SIPA1L1: variants seen among roughly 807,000 people sequenced by gnomAD.
The protein encoded by SIPA1L1 is signal-induced proliferation-associated 1-like protein 1.
In SIPA1L1, 26 loss-of-function variants were observed where a neutral mutation model predicts 162.7. That is an observed-to-expected ratio of 0.16 (90% CI 0.12 to 0.22). The LOEUF (loss-of-function observed/expected upper bound fraction) is 0.22. SIPA1L1 is among the 10% of genes least tolerant of loss of function. The probability of loss-of-function intolerance (pLI) is 1.00; values close to 1 mark genes in which losing one functional copy is unlikely to be tolerated. For synonymous variants in SIPA1L1, 829 were observed against 837.4 expected, an observed-to-expected ratio of 0.99 and a Z score of 0.17; for missense variants, 1,874 against 2,241.0, an observed-to-expected ratio of 0.84 and a Z score of 3.31.
intron 2 of SIPA1L1, among the ~76,000 whole-genome samples, chr14:71,404,155 A>T (rs1595265203): frequency 6.6e-6 from 1 of 152,158 alleles, no homozygotes; most frequent in African/African-American, 2.4e-5. Context: ...GTAAATTTGC[A>T]TTGGATTGGC....
chr14:71,456,418 A>G (rs1567047030), intron 2 of SIPA1L1, among the ~76,000 whole-genome samples: 1 of 152,260 alleles, frequency 6.6e-6, no homozygotes, highest in Non-Finnish European at 1.5e-5. Flanking sequence ...GTACTAAAAT[A>G]TTACAGTGGA....
intron 6 of SIPA1L1, 143 bp downstream of exon 6, chr14:71,619,030 TG>T (rs763749008): frequency 1.2e-6 from 1 of 834,260 alleles, no homozygotes; most frequent in Non-Finnish European, 1.8e-6. Flanking sequence ...TTTATTCTGG[TG>T]GAGATCGAGG....
At chr14:71,428,079 AC>A (rs1194936769) in intron 2 of SIPA1L1, among the ~76,000 whole-genome samples, 3 of 151,206 alleles carry the variant, frequency 2.0e-5, no homozygotes, top group Non-Finnish European at 4.4e-5. Context: ...TGCAGCCTCC[AC>A]CTCCCAGATT....
intron 3 of SIPA1L1, among the ~76,000 whole-genome samples, chr14:71,528,362 T>C (rs1433794444): frequency 6.6e-6 from 1 of 152,148 alleles, no homozygotes; most frequent in East Asian, 1.9e-4. Context: ...TGTTTAATAA[T>C]TCTATTTTTC....
chr14:71,409,280 G>A (rs917478736), intron 2 of SIPA1L1, among the ~76,000 whole-genome samples: 2 of 152,180 alleles, frequency 1.3e-5, no homozygotes, highest in African/African-American at 2.4e-5. Context: ...TGGGATGTGG[G>A]TGTGGGGTTG....
intron 22 of SIPA1L1, among the ~76,000 whole-genome samples, chr14:71,736,883 C>T (rs957598475): frequency 2.0e-5 from 3 of 152,332 alleles, no homozygotes; most frequent in South Asian, 4.1e-4. Flanking sequence ...TGCTCCTGAG[C>T]GTTGCTGCAG....
chr14:71,518,183 C>T (rs1024339749), intron 3 of SIPA1L1, among the ~76,000 whole-genome samples: 3 of 151,652 alleles, frequency 2.0e-5, no homozygotes, highest in Admixed American at 2.0e-4. Flanking sequence ...ACTTGGGAGG[C>T]TGAGGTGGGA....
chr14:71,714,265 A>G (rs904194754), intron 17 of SIPA1L1, among the ~76,000 whole-genome samples: 3 of 152,244 alleles, frequency 2.0e-5, no homozygotes, highest in Admixed American at 1.3e-4. Flanking sequence ...ACTGAAAAAT[A>G]GAACCACTGA....
chr14:71,643,280 A>T (rs1373628738), intron 7 of SIPA1L1, among the ~76,000 whole-genome samples: 1 of 152,240 alleles, frequency 6.6e-6, no homozygotes, highest in Non-Finnish European at 1.5e-5. Context: ...ATCAAAATAA[A>T]CAATGAACAT....
intron 4 of SIPA1L1, among the ~76,000 whole-genome samples, chr14:71,555,526 T>G (rs1296658063): frequency 6.6e-6 from 1 of 152,258 alleles, no homozygotes; most frequent in Non-Finnish European, 1.5e-5. Flanking sequence ...AAGGCTGTTT[T>G]GCTTTCTTAT....
intron 13 of SIPA1L1, among the ~76,000 whole-genome samples, chr14:71,692,214 A>G (rs984375162): frequency 6.6e-6 from 1 of 152,254 alleles, no homozygotes; most frequent in Non-Finnish European, 1.5e-5. Flanking sequence ...ATGATAGGTA[A>G]AGGCAAAGCA....
At chr14:71,550,106 C>T (rs1451857984) in intron 4 of SIPA1L1, among the ~76,000 whole-genome samples, 1 of 152,044 alleles carries the variant, frequency 6.6e-6, no homozygotes, top group Non-Finnish European at 1.5e-5. Flanking sequence ...AAAAAATTAG[C>T]CAGGTGTGTT....
chr14:71,348,609 C>T (rs983512702), intron 2 of SIPA1L1, among the ~76,000 whole-genome samples: 4 of 152,172 alleles, frequency 2.6e-5, no homozygotes, highest in Admixed American at 2.6e-4. Context: ...TAAGAGTGGA[C>T]TTGCTGTGTC....
At chr14:71,446,648 G>A (rs1313395309) in intron 2 of SIPA1L1, among the ~76,000 whole-genome samples, 5 of 152,092 alleles carry the variant, frequency 3.3e-5, no homozygotes, top group Admixed American at 6.6e-5. Context: ...TCAGTCTTCA[G>A]TGTTTTTTTG....
intron 3 of SIPA1L1, among the ~76,000 whole-genome samples, chr14:71,528,527 C>T (rs1057124653): frequency 6.6e-6 from 1 of 151,860 alleles, no homozygotes; most frequent in Non-Finnish European, 1.5e-5. Context: ...TGATGGTGCG[C>T]GCCTCTAGTT....
At chr14:71,322,572 T>A (rs555631212) in intron 2 of SIPA1L1, among the ~76,000 whole-genome samples, 30 of 152,344 alleles carry the variant, frequency 2.0e-4, no homozygotes, top group South Asian at 6.2e-4. Context: ...AGTTATTAAC[T>A]ACAATATTAA....
intron 2 of SIPA1L1, chr14:71,467,280 G>T (rs1476822183): frequency 6.6e-6 from 1 of 152,136 alleles, no homozygotes; most frequent in African/African-American, 2.4e-5. Flanking sequence ...TAGATATCAG[G>T]TTATTTGAAT....
At chr14:71,731,762 T>A (rs2084806975) in intron 20 of SIPA1L1, among the ~76,000 whole-genome samples, 1 of 152,220 alleles carries the variant, frequency 6.6e-6, no homozygotes, top group South Asian at 2.1e-4. Context: ...AGAGGCCCCA[T>A]GTGAGTCCAC....
intron 2 of SIPA1L1, among the ~76,000 whole-genome samples, chr14:71,401,880 G>A (rs1050402587): frequency 1.3e-5 from 2 of 151,812 alleles, no homozygotes; most frequent in Non-Finnish European, 2.9e-5. Flanking sequence ...TATAAAATAT[G>A]CATTTTAACA....
Sources: allele counts gnomAD v4.1 joint callset (sites outside exome capture counted in the v4.1 genomes callset), GRCh38; gene constraint gnomAD v4.1.1; transcripts MANE v1.5; gene names NCBI Gene and HGNC (gene_info 2026-07-23, HGNC 2026-07-21).